MEGF9: variants seen among roughly 807,000 people sequenced by gnomAD.
MEGF9 encodes multiple EGF like domains 9, also known as multiple epidermal growth factor-like domains protein 9.
A neutral mutation model predicts 46.8 loss-of-function variants in MEGF9; 6 were observed. That is an observed-to-expected ratio of 0.13 (90% confidence interval 0.07 to 0.25). MEGF9 has a LOEUF of 0.25. Ranked by LOEUF, MEGF9 falls within the 10% of genes least tolerant of loss-of-function variation. MEGF9 has a pLI of 1.00. For missense variants in MEGF9, 683 were observed against 792.4 expected, an observed-to-expected ratio of 0.86 and a Z score of 1.66; for synonymous variants, 302 against 330.7, an observed-to-expected ratio of 0.91 and a Z score of 0.94.
intron 1 of MEGF9, among the ~76,000 whole-genome samples, chr9:120,693,684 G>C (rs2043861371): frequency 6.6e-6 from 1 of 152,178 alleles, no homozygotes; most frequent in Non-Finnish European, 1.5e-5. Flanking sequence ...ACATATAAAA[G>C]TACATTACTA....
intron 1 of MEGF9, among the ~76,000 whole-genome samples, chr9:120,680,341 T>C (rs541738961): frequency 1.3e-5 from 2 of 152,288 alleles, no homozygotes; most frequent in East Asian, 3.9e-4. Context: ...TCGAAGGGAC[T>C]TGGGCCCCAA....
intron 1 of MEGF9, among the ~76,000 whole-genome samples, chr9:120,685,176 T>A (rs959133808): frequency 6.6e-6 from 1 of 152,214 alleles, no homozygotes; most frequent in African/African-American, 2.4e-5. Flanking sequence ...AGCATCAAGA[T>A]GTTGAAGATT....
At chr9:120,700,836 C>T (rs2043900819) in intron 1 of MEGF9, among the ~76,000 whole-genome samples, 2 of 151,992 alleles carry the variant, frequency 1.3e-5, no homozygotes, top group South Asian at 2.1e-4. Context: ...AAACTCAACA[C>T]TTGGGAGGCT....
chr9:120,606,523 T>G (rs550582082), intron 5 of MEGF9, among the ~76,000 whole-genome samples: 2 of 152,370 alleles, frequency 1.3e-5, no homozygotes, highest in South Asian at 4.1e-4. Context: ...TCTTCCTTTG[T>G]GTAGATTACA....
Position 120,713,876 on chromosome 9 carries a change from C to A in MEGF9, c.483G>T (p.Ala161=). 7.7e-7 allele frequency: 1 copy of A among 1,302,934 alleles called. No individual in the cohort carries two copies. Among genetic ancestry groups the A allele is most frequent in the Non-Finnish European group, 9.8e-7 (1 of 1,023,152 alleles). The allele number at this position is 1,302,934 out of a possible 1,614,324, so 80.7% of individuals were successfully genotyped here. A position where few individuals can be genotyped will look rare whatever the true frequency, so the allele number is the denominator to read the frequency against. Residue 161 remains alanine (A), a synonymous_variant, in exon 1 of 6, where the codon GCG becomes GCT. Coordinates refer to ENST00000373930, the MANE Select transcript of MEGF9 (RefSeq NM_001080497.3). ...TTGPAPTTPV[A]TTVPAPTTPR... Reference sequence around the variant, plus strand: ...GAGTCGTGGGCGCCGGTACGGTGGTCGCTACAGGGGTGGTCGGCGCCGGGC... The same window carrying A: ...GAGTCGTGGGCGCCGGTACGGTGGTAGCTACAGGGGTGGTCGGCGCCGGGC...
chr9:120,659,642 CT>C, intron 1 of MEGF9, 67 bp from the exon 2 acceptor site: 3 of 1,230,524 alleles, frequency 2.4e-6, no homozygotes, highest in Non-Finnish European at 3.3e-6. Flanking sequence ...AAAATGAACT[CT>C]ATTTTATTTT....
rs188268486 is a variant in MEGF9, at chr9:120,617,242, G to A, written c.944-4703C>T. 9.8e-4 allele frequency among the ~76,000 whole-genome samples: 149 copies of A among 152,262 alleles called. 1 individual carries two copies. Among genetic ancestry groups the A allele is most frequent in the Non-Finnish European group, 1.9e-3 (129 of 68,004 alleles). On this transcript the variant is annotated intron_variant, in intron 3 of 5. Transcript: ENST00000373930. ...CAAGAAAATAAATAGTCAAAGAAAG[G>A]AATGTAGGGCTCCTTTCCAGCCAAA...
chr9:120,632,630 T>G (rs548857897), intron 2 of MEGF9, among the ~76,000 whole-genome samples: 16 of 152,222 alleles, frequency 1.1e-4, no homozygotes, highest in Non-Finnish European at 1.8e-4. Context: ...TCTGGTATTA[T>G]GTTGAATAGG....
rs1554794918 is a variant in MEGF9, at chr9:120,622,434, T to TTTTTTTTTA, written c.943+181_943+182insTAAAAAAAA. On this transcript the variant is annotated intron_variant, in intron 3 of 5. Transcript: ENST00000373930. ...GTATATGACTTTTTTTTTTTTTTTT[T>TTTTTTTTTA]AATTTACGTACTTTTTCAAGTTTGT... 2.5e-4 allele frequency among the ~76,000 whole-genome samples: 37 copies of TTTTTTTTTA among 148,166 alleles called. 1 individual carries two copies. Among genetic ancestry groups the TTTTTTTTTA allele is most frequent in the African/African-American group, 7.3e-4 (29 of 39,614 alleles).
intron 1 of MEGF9, among the ~76,000 whole-genome samples, chr9:120,702,745 G>C (rs56684501): frequency 0.044 from 6,709 of 152,236 alleles, 366 homozygotes; most frequent in East Asian, 0.28. Context: ...ATGTGGAGGT[G>C]AGAGGTGAGA....
At chr9:120,628,062 G>A (rs559574143) in intron 2 of MEGF9, among the ~76,000 whole-genome samples, 5 of 152,158 alleles carry the variant, frequency 3.3e-5, no homozygotes, top group East Asian at 3.9e-4. Flanking sequence ...TTATAAACTC[G>A]CTCAATATAT....
intron 1 of MEGF9, among the ~76,000 whole-genome samples, chr9:120,671,476 C>T (rs79842425): frequency 0.037 from 5,603 of 152,170 alleles, 298 homozygotes; most frequent in African/African-American, 0.12. Context: ...GACATCACTA[C>T]GGGGAATATT....
chr9:120,611,865 A>AGGAAGGAAGGAAGGAAG, intron 4 of MEGF9, among the ~76,000 whole-genome samples: 1 of 137,224 alleles, frequency 7.3e-6, no homozygotes, highest in African/African-American at 2.9e-5. Flanking sequence ...GGAAGGAAGA[A>AGGAAGGAAGGAAGGAAG]AGAGAGAGAG....
At chr9:120,634,736 C>G (rs1039011949) in intron 2 of MEGF9, among the ~76,000 whole-genome samples, 1 of 152,058 alleles carries the variant, frequency 6.6e-6, no homozygotes, top group South Asian at 2.1e-4. Flanking sequence ...AAGGTTATTA[C>G]TGATAGGTAA....
intron 5 of MEGF9, among the ~76,000 whole-genome samples, chr9:120,607,249 A>C (rs2043423557): frequency 6.6e-6 from 1 of 152,194 alleles, no homozygotes; most frequent in African/African-American, 2.4e-5. Context: ...CATGTGGATA[A>C]CTTTTGCTTT....
intron 2 of MEGF9, among the ~76,000 whole-genome samples, chr9:120,654,012 T>A (rs569115499): frequency 6.5e-4 from 99 of 152,292 alleles, no homozygotes; most frequent in African/African-American, 1.7e-3. Context: ...TCTGCTGCCA[T>A]GAGCTTCAAA....
intron 2 of MEGF9, among the ~76,000 whole-genome samples, chr9:120,648,212 C>T (rs992336794): frequency 7.2e-5 from 11 of 151,756 alleles, no homozygotes; most frequent in African/African-American, 1.7e-4. Context: ...AATGGATAAA[C>T]GTATTTACAA....
chr9:120,658,531 A>G (rs2043687585), intron 2 of MEGF9, among the ~76,000 whole-genome samples: 1 of 152,230 alleles, frequency 6.6e-6, no homozygotes, highest in South Asian at 2.1e-4. Context: ...AATCTTCACA[A>G]CAACCTTGAG....
intron 1 of MEGF9, among the ~76,000 whole-genome samples, chr9:120,661,940 C>T (rs1335693236): frequency 6.6e-6 from 1 of 152,076 alleles, no homozygotes; most frequent in African/African-American, 2.4e-5. Context: ...TATTTTATCA[C>T]CAGTTAACTA....
Sources: gnomAD v4.1 joint callset for allele counts (sites outside exome capture counted in the v4.1 genomes callset) on GRCh38, gnomAD v4.1.1 for gene constraint, MANE v1.5 for transcripts, NCBI Gene and HGNC (gene_info 2026-07-23, HGNC 2026-07-21) for gene names.